SLC22A24: variants seen among roughly 807,000 people sequenced by gnomAD.
The protein encoded by SLC22A24 is solute carrier family 22 member 24.
SLC22A24 carries 53 observed loss-of-function variants against 49.8 expected under a neutral mutation model. That is an observed-to-expected ratio of 1.06 (90% CI 0.85 to 1.34). The LOEUF (loss-of-function observed/expected upper bound fraction) is 1.34, where lower values mean the gene tolerates loss of function less well. Ranked by LOEUF, SLC22A24 falls within the 40% of genes most tolerant of loss-of-function variation. The pLI is 0.00. For synonymous variants in SLC22A24, 302 were observed against 256.4 expected (o/e 1.18, Z -1.70); for missense variants, 786 against 675.9 (o/e 1.16, Z -1.81).
rs964470505 is a variant in SLC22A24, at chr11:63,098,074, C to G, written c.955-1968G>C. ...CATGTTCTACACATGTATTTCAGAACTTAAATTATAATTTAAAAAGTTTAA... is the reference window on the plus strand; with the variant it reads ...CATGTTCTACACATGTATTTCAGAAGTTAAATTATAATTTAAAAAGTTTAA... On this transcript the variant is annotated intron_variant, in intron 5 of 9. Transcript: ENST00000612278. Among the ~76,000 whole-genome samples the G allele has an allele frequency of 4.6e-5, 7 of 152,254 alleles. No homozygotes were observed. The South Asian group carries it at 8.3e-4, about 18-fold the overall frequency.
intron 5 of SLC22A24, among the ~76,000 whole-genome samples, chr11:63,096,974 T>C (rs2087058552): frequency 6.6e-6 from 1 of 152,166 alleles, no homozygotes; most frequent in Admixed American, 6.6e-5. Context: ...TAAAATGTAT[T>C]TAGCACAGGA....
intron 2 of SLC22A24, among the ~76,000 whole-genome samples, chr11:63,131,791 T>C (rs2105626): frequency 0.8 from 120,566 of 151,484 alleles, 49,030 homozygotes; most frequent in East Asian, 0.9. Flanking sequence ...ATCTTTGTAG[T>C]GTTCTCTGTA....
intron 4 of SLC22A24, among the ~76,000 whole-genome samples, chr11:63,108,934 G>A (rs1348357048): frequency 2.8e-5 from 4 of 144,366 alleles, no homozygotes; most frequent in Non-Finnish European, 6.1e-5. Flanking sequence ...CCATGCTGGT[G>A]TGCTGCACCC....
At chr11:63,129,116 A>G (rs2087315095) in intron 2 of SLC22A24, among the ~76,000 whole-genome samples, 1 of 152,166 alleles carries the variant, frequency 6.6e-6, no homozygotes, top group Non-Finnish European at 1.5e-5. Context: ...TAGGTCTTAC[A>G]TTTAAGTCTT....
Position 63,081,597 on chromosome 11 carries a change from G to A in SLC22A24, c.1355C>T (p.Ala452Val), listed in dbSNP as rs1309590902. The change falls in exon 8 of 10, where the codon GCT (alanine) becomes GTT (valine). Residue 452 changes from alanine to valine, a missense_variant. Coordinates refer to ENST00000612278, the MANE Select transcript of SLC22A24 (RefSeq NM_001136506.2). ...IGSVSAASNS[A>V]SVHHNELVPT... ...GACGAGCTCGTTGTGGTGGACAGAA[G>A]CACTGTTGCTAGCAGCAGAAACACT... 2 of 1,551,432 alleles carry A rather than the reference G, an allele frequency of 1.3e-6. No individual in the cohort carries two copies. Among genetic ancestry groups the A allele is most frequent in the Admixed American group, 2.0e-5 (1 of 50,978 alleles).
chr11:63,093,689 C>T (rs1236958565), intron 6 of SLC22A24, among the ~76,000 whole-genome samples: 1 of 151,744 alleles, frequency 6.6e-6, no homozygotes, highest in African/African-American at 2.4e-5. Flanking sequence ...CTGGGGCCTA[C>T]CTAATTGGGG....
chr11:63,094,044 G>T lies in SLC22A24; in HGVS notation c.1070+1947C>A, dbSNP rs61929177. ...TTAGGGTACATATGCACAATGTGCA[G>T]GTTTGTTACATATGTATACATGTGC... is the stretch of plus-strand genomic sequence containing the variant. On this transcript the variant is annotated intron_variant, in intron 6 of 9. Coordinates refer to ENST00000612278, the MANE Select transcript of SLC22A24 (RefSeq NM_001136506.2). Among the ~76,000 whole-genome samples the T allele has an allele frequency of 2.3e-3, 350 of 151,558 alleles. 1 individual carries two copies. The highest frequency in any genetic ancestry group is 4.2e-3 in the Non-Finnish European group (285 of 67,884).
chr11:63,103,565 G>A (rs1413997217), intron 5 of SLC22A24, among the ~76,000 whole-genome samples: 1 of 152,072 alleles, frequency 6.6e-6, no homozygotes, highest in Non-Finnish European at 1.5e-5. Context: ...AATGAGCCAC[G>A]TCAGGCTCTG....
chr11:63,104,392 G>A, intron 4 of SLC22A24, 94 bp from the exon 5 acceptor site: 1 of 1,322,416 alleles, frequency 7.6e-7, no homozygotes, highest in Admixed American at 2.7e-5. Flanking sequence ...ATTTAATACA[G>A]ACATTATAAA....
chr11:63,105,316 C>T (rs1234571738), intron 4 of SLC22A24, among the ~76,000 whole-genome samples: 2 of 152,112 alleles, frequency 1.3e-5, no homozygotes, highest in Non-Finnish European at 2.9e-5. Context: ...CTCACAGCTC[C>T]ACTCAGCAGT....
rs541820813 is a variant in SLC22A24, at chr11:63,133,151, G to C, written c.506+1514C>G. 2.2e-4 allele frequency among the ~76,000 whole-genome samples: 34 copies of C among 152,302 alleles called. 1 individual carries two copies. Among genetic ancestry groups the C allele is most frequent in the African/African-American group, 8.2e-4 (34 of 41,572 alleles). On this transcript the variant is annotated intron_variant, in intron 2 of 9. Coordinates refer to ENST00000612278, the MANE Select transcript of SLC22A24 (RefSeq NM_001136506.2). ...TGCGAGGGAATCTCCTGATCTGCAG[G>C]TTGCCAAGACTGTGGGAAAAGTGCA...
chr11:63,081,057 C>T lies in SLC22A24; in HGVS notation c.1461G>A (p.Met487Ile). ...RTGAALAPLLMTLMAYSPHLP... is the reference protein window; with the variant it reads ...RTGAALAPLLITLMAYSPHLP... Reference sequence around the variant, plus strand: ...GGTGGGGAGAATACGCCATTAAGGTCATCAACAGAGGAGCCAGTGCTGCCC... The same window carrying T: ...GGTGGGGAGAATACGCCATTAAGGTTATCAACAGAGGAGCCAGTGCTGCCC... Residue 487 changes from methionine (M) to isoleucine (I), a missense_variant, in exon 9 of 10, where the codon ATG (methionine) becomes ATA (isoleucine). Coordinates refer to ENST00000612278, the MANE Select transcript of SLC22A24 (RefSeq NM_001136506.2). 5 of 1,551,628 alleles carry T rather than the reference C, an allele frequency of 3.2e-6. No homozygotes were observed. The highest frequency in any genetic ancestry group is 1.4e-5 in the African/African-American group (1 of 73,160).
Position 63,135,056 on chromosome 11 carries a change from G to A in SLC22A24, c.403-288C>T, listed in dbSNP as rs540947659. On this transcript the variant is annotated intron_variant, in intron 1 of 9. Transcript: ENST00000612278. ...ATTCCTTTTCCTCTCGGACCACTAAGTTCCTTTAATGCATTACCTTATACA... is the reference window on the plus strand; with the variant it reads ...ATTCCTTTTCCTCTCGGACCACTAAATTCCTTTAATGCATTACCTTATACA... Among the ~76,000 whole-genome samples, 12 of 152,110 alleles carry A rather than the reference G, an allele frequency of 7.9e-5. No homozygotes were observed. In the South Asian group the frequency reaches 1.9e-3, roughly 24 times the overall value.
At chr11:63,095,639 C>T (rs2087049220) in intron 6 of SLC22A24, among the ~76,000 whole-genome samples, 1 of 151,882 alleles carries the variant, frequency 6.6e-6, no homozygotes, top group Admixed American at 6.6e-5. Flanking sequence ...TATAGATTTG[C>T]AAAATTGATC....
chr11:63,087,024 G>GCACACACA (rs1555045310), intron 6 of SLC22A24, among the ~76,000 whole-genome samples: 23,886 of 132,254 alleles, frequency 0.18, 2,463 homozygotes, highest in South Asian at 0.24. Context: ...CCTGGAGGGC[G>GCACACACA]CACACACACA....
chr11:63,107,695 A>G (rs905365247), intron 4 of SLC22A24, among the ~76,000 whole-genome samples: 4 of 152,090 alleles, frequency 2.6e-5, no homozygotes, highest in African/African-American at 9.7e-5. Context: ...CTTTGAAGCA[A>G]TTGTGAATGG....
At chr11:63,141,538 C>G (rs747563110) in intron 1 of SLC22A24, among the ~76,000 whole-genome samples, 2 of 152,176 alleles carry the variant, frequency 1.3e-5, no homozygotes, top group Admixed American at 6.6e-5. Context: ...GGAATCTGGC[C>G]TCATACCTTG....
chr11:63,080,817 A>G (rs1266336256), intron 9 of SLC22A24, 103 bp downstream of exon 9: 2 of 959,508 alleles, frequency 2.1e-6, no homozygotes, highest in African/African-American at 1.6e-5. Context: ...GTCTGAGCCT[A>G]CATGAAGGAC....
At chr11:63,080,080 T>C (rs2086950560) in intron 9 of SLC22A24, 80 bp from the exon 10 acceptor site, 3 of 906,958 alleles carry the variant, frequency 3.3e-6, no homozygotes, top group Non-Finnish European at 5.2e-6. Flanking sequence ...ATATATACTG[T>C]GTGCCTGAGG....
Sources: gnomAD v4.1 joint callset for allele counts (sites outside exome capture counted in the v4.1 genomes callset) on GRCh38, gnomAD v4.1.1 for gene constraint, MANE v1.5 for transcripts, NCBI Gene and HGNC (gene_info 2026-07-23, HGNC 2026-07-21) for gene names.